Variants in FAM169A observed in about 807,000 individuals in gnomAD.
The protein encoded by FAM169A is family with sequence similarity 169 member A.
A neutral mutation model predicts 75.7 loss-of-function variants in FAM169A; 24 were observed. The observed-to-expected ratio is 0.32, with a 90% CI of 0.23 to 0.45. The LOEUF (loss-of-function observed/expected upper bound fraction) is 0.45, where lower values mean the gene tolerates loss of function less well. FAM169A is among the 20% of genes least tolerant of loss of function. The pLI, the probability that FAM169A is intolerant of heterozygous loss-of-function variation, is 1.00. For synonymous variants in FAM169A, 271 were observed against 271.0 expected (o/e 1.00, Z 0.00); for missense variants, 673 against 784.0 (o/e 0.86, Z 1.69).
At chr5:74,815,869 C>A (rs1174080147) in intron 5 of FAM169A, among the ~76,000 whole-genome samples, 1 of 152,154 alleles carries the variant, frequency 6.6e-6, no homozygotes, top group Non-Finnish European at 1.5e-5. Context: ...AGGAAGTTAC[C>A]CAATATGGTC....
chr5:74,815,925 T>C (rs1747446558), intron 5 of FAM169A, among the ~76,000 whole-genome samples: 1 of 152,220 alleles, frequency 6.6e-6, no homozygotes, highest in South Asian at 2.1e-4. Flanking sequence ...TAGCATATCA[T>C]CAAGAAATAA....
At chr5:74,808,159 G>T (rs1279961542) in intron 6 of FAM169A, among the ~76,000 whole-genome samples, 2 of 152,120 alleles carry the variant, frequency 1.3e-5, no homozygotes, top group Non-Finnish European at 2.9e-5. Flanking sequence ...ACTCAAACAG[G>T]TATCTGTACA....
intron 8 of FAM169A, among the ~76,000 whole-genome samples, chr5:74,803,051 T>C (rs1746670613): frequency 6.6e-6 from 1 of 152,138 alleles, no homozygotes; most frequent in South Asian, 2.1e-4. Flanking sequence ...CCTTCAACTA[T>C]TTAAAACATT....
intron 11 of FAM169A, among the ~76,000 whole-genome samples, chr5:74,785,716 C>G (rs1204887754): frequency 6.6e-6 from 1 of 152,052 alleles, no homozygotes; most frequent in African/African-American, 2.4e-5. Flanking sequence ...GAGCTGAGTT[C>G]GTGCCACTGC....
chr5:74,842,585 G>A (rs1394252006), intron 1 of FAM169A, among the ~76,000 whole-genome samples: 1 of 133,634 alleles, frequency 7.5e-6, no homozygotes, highest in South Asian at 2.6e-4. Context: ...AGGCTTAAGT[G>A]CATTGGTGCA....
intron 5 of FAM169A, among the ~76,000 whole-genome samples, chr5:74,814,326 T>C (rs942090342): frequency 4.7e-4 from 71 of 152,138 alleles, no homozygotes; most frequent in African/African-American, 1.7e-3. Flanking sequence ...CATCACTGTC[T>C]ATAGACTCAT....
chr5:74,841,815 T>G, intron 1 of FAM169A, 136 bp from the exon 2 acceptor site: 1 of 712,374 alleles, frequency 1.4e-6, no homozygotes. Flanking sequence ...GCCCGCAGAA[T>G]ACAACTTGAA....
chr5:74,795,939 A>G, intron 11 of FAM169A, 91 bp downstream of exon 11: 1 of 1,360,352 alleles, frequency 7.4e-7, no homozygotes, highest in Non-Finnish European at 1.0e-6. Context: ...ACACTCTAAA[A>G]TATATCGCTA....
At chr5:74,803,621 A>G (rs1746702684) in intron 8 of FAM169A, among the ~76,000 whole-genome samples, 1 of 152,164 alleles carries the variant, frequency 6.6e-6, no homozygotes, top group African/African-American at 2.4e-5. Context: ...AATAAATGCC[A>G]TCCCCCAAAA....
chr5:74,796,884 G>A (rs1366762806), intron 10 of FAM169A, among the ~76,000 whole-genome samples: 1 of 151,972 alleles, frequency 6.6e-6, no homozygotes, highest in Non-Finnish European at 1.5e-5. Context: ...TGTCACCTTG[G>A]ACAACACATT....
At chr5:74,805,383 A>T in intron 6 of FAM169A, 99 bp from the exon 7 acceptor site, 1 of 1,051,152 alleles carries the variant, frequency 9.5e-7, no homozygotes, top group South Asian at 1.6e-5. Context: ...TAACGGGGCT[A>T]GCATAACCTT....
chr5:74,841,632 T>C lies in FAM169A; in HGVS notation c.45A>G (p.Glu15=). ...TGTAATCTTCAGCAGAATTTTCCAA[T>C]TCCTCATGGCTGCAATTTTCCAGCA... ...VDMLENCSHE[E]LENSAEDYMS... is the part of the protein sequence containing the mutation. The change falls in exon 2 of 13, where the codon GAA becomes GAG. Residue 15 remains glutamate, a synonymous_variant. Transcript: ENST00000687041. 6.2e-7 allele frequency: 1 copy of C among 1,613,214 alleles called. No homozygotes were observed. Among genetic ancestry groups the C allele is most frequent in the Admixed American group, 1.7e-5 (1 of 60,010 alleles).
intron 10 of FAM169A, among the ~76,000 whole-genome samples, chr5:74,796,945 T>G (rs764173806): frequency 5.9e-5 from 9 of 152,154 alleles, no homozygotes; most frequent in Non-Finnish European, 1.3e-4. Context: ...ATTCCTGACT[T>G]TCTATGCCCA....
chr5:74,840,697 T>C (rs896066684), intron 2 of FAM169A, among the ~76,000 whole-genome samples: 21 of 151,372 alleles, frequency 1.4e-4, no homozygotes, highest in South Asian at 4.2e-4. Context: ...GGCATGGTGG[T>C]GGGCGCCTGT....
At position 74,777,683 on chromosome 5, in the gene FAM169A, T is replaced by C. The variant is rs1298061082; in HGVS notation, c.*3777A>G. ...ATTCAATGTCTAAACAAATTCAGTA[T>C]CTGAAACATCTTCATGAGGAAAACT... On this transcript the variant is annotated 3_prime_UTR_variant, in exon 13 of 13. Transcript: ENST00000687041. The C allele has an allele frequency of 2.0e-5, 3 of 151,920 alleles. No homozygotes were observed. The highest frequency in any genetic ancestry group is 7.2e-5 in the African/African-American group (3 of 41,400). The allele number at this position is 151,920 out of a possible 1,614,324, so 9.4% of individuals were successfully genotyped here. A position where few individuals can be genotyped will look rare whatever the true frequency, so the allele number is the denominator to read the frequency against.
At chr5:74,864,537 T>A (rs1195106113) in intron 1 of FAM169A, among the ~76,000 whole-genome samples, 1 of 152,248 alleles carries the variant, frequency 6.6e-6, no homozygotes, top group Admixed American at 6.5e-5. Context: ...CTATATCCCA[T>A]CTTTATTAAA....
At chr5:74,792,252 T>C (rs1485762348) in intron 11 of FAM169A, among the ~76,000 whole-genome samples, 3 of 152,196 alleles carry the variant, frequency 2.0e-5, no homozygotes, top group Admixed American at 6.5e-5. Context: ...ATGCAAAGTA[T>C]TGATCCTGGG....
chr5:74,794,208 C>T (rs1404667232), intron 11 of FAM169A, among the ~76,000 whole-genome samples: 6 of 148,168 alleles, frequency 4.0e-5, no homozygotes, highest in African/African-American at 1.5e-4. Flanking sequence ...TCCTGGCTAA[C>T]ACGGTGAAAC....
chr5:74,848,889 G>C (rs1008340198), intron 1 of FAM169A: 21 of 151,962 alleles, frequency 1.4e-4, no homozygotes, highest in Admixed American at 1.4e-3. Flanking sequence ...CTTTTTTGTT[G>C]TTTTTAAGCT....
Sources: allele counts gnomAD v4.1 joint callset (sites outside exome capture counted in the v4.1 genomes callset), GRCh38; gene constraint gnomAD v4.1.1; transcripts MANE v1.5; gene names NCBI Gene and HGNC (gene_info 2026-07-23, HGNC 2026-07-21).